Variants in ACAP2 observed in about 807,000 individuals in gnomAD.
ACAP2 encodes arf-GAP with coiled-coil, ANK repeat and PH domain-containing protein 2.
A neutral mutation model predicts 115.8 loss-of-function variants in ACAP2; 39 were observed. The ratio of observed to expected loss-of-function variants is 0.34; its 90% CI spans 0.26 to 0.44. The LOEUF is 0.44. ACAP2 is among the 20% of genes least tolerant of loss of function. The probability of loss-of-function intolerance (pLI) is 1.00; values close to 1 mark genes in which losing one functional copy is unlikely to be tolerated. For missense variants in ACAP2, 662 were observed against 927.6 expected (o/e 0.71, Z 3.72); for synonymous variants, 289 against 315.8 (o/e 0.92, Z 0.90).
intron 1 of ACAP2, among the ~76,000 whole-genome samples, chr3:195,427,457 G>A (rs1250413909): frequency 1.3e-5 from 2 of 152,014 alleles, no homozygotes; most frequent in East Asian, 1.9e-4. Context: ...CTTCTTCACT[G>A]GGCAAGCATC....
chr3:195,301,363 G>A (rs988186809), intron 15 of ACAP2, among the ~76,000 whole-genome samples: 1 of 152,150 alleles, frequency 6.6e-6, no homozygotes, highest in African/African-American at 2.4e-5. Context: ...TGGGATTACA[G>A]GCGTGAGCCA....
intron 22 of ACAP2, 196 bp from the exon 23 acceptor site, chr3:195,279,624 GA>G: frequency 2.5e-6 from 1 of 395,880 alleles, no homozygotes. Flanking sequence ...AACTATACCT[GA>G]AAAAAGCACC....
chr3:195,290,849 T>TAAATAAATAAATAATA lies in ACAP2; in HGVS notation c.2063+856_2063+857insTATTATTTATTTATTT, dbSNP rs1553843260. On this transcript the variant is annotated intron_variant, in intron 20 of 22. Transcript: ENST00000326793. ...ATAAATAAATAAATAAATAAATAAATAATAAATAAATAAATAAATAAATAA... is the reference window on the plus strand; with the variant it reads ...ATAAATAAATAAATAAATAAATAAATAAATAAATAAATAATAAATAAATAAATAAATAAATAAATAA... 1.2e-3 allele frequency among the ~76,000 whole-genome samples: 164 copies of TAAATAAATAAATAATA among 134,180 alleles called. 2 individuals carry two copies. The highest frequency in any genetic ancestry group is 3.9e-3 in the African/African-American group (134 of 33,988). 88.0% of individuals were successfully genotyped at this position (134,180 alleles called of 152,430 possible). A position where few individuals can be genotyped will look rare whatever the true frequency, so the allele number is the denominator to read the frequency against.
At chr3:195,350,410 AAC>A (rs1560274011) in intron 4 of ACAP2, among the ~76,000 whole-genome samples, 2 of 152,134 alleles carry the variant, frequency 1.3e-5, no homozygotes. Context: ...CTGTAATCCC[AAC>A]AGTTTGAGAG....
At chr3:195,409,768 C>A (rs1308388114) in intron 1 of ACAP2, among the ~76,000 whole-genome samples, 1 of 149,636 alleles carries the variant, frequency 6.7e-6, no homozygotes, top group Non-Finnish European at 1.5e-5. Flanking sequence ...CCCAGCTACT[C>A]GGGAGGCTGA....
intron 7 of ACAP2, 51 bp from the exon 8 acceptor site, chr3:195,333,174 T>C (rs1730288212): frequency 2.2e-6 from 2 of 915,410 alleles, no homozygotes; most frequent in Non-Finnish European, 3.3e-6. Context: ...TAGATAGACA[T>C]TCTGAAATAT....
chr3:195,406,046 G>A (rs1311120357), intron 1 of ACAP2, among the ~76,000 whole-genome samples: 3 of 152,060 alleles, frequency 2.0e-5, no homozygotes, highest in Non-Finnish European at 4.4e-5. Flanking sequence ...AGATTTGGGC[G>A]GGGACACAGA....
chr3:195,366,972 G>A (rs1312217418), intron 4 of ACAP2, among the ~76,000 whole-genome samples: 2 of 140,032 alleles, frequency 1.4e-5, no homozygotes, highest in South Asian at 5.0e-4. Flanking sequence ...CTGCTGTGGT[G>A]TAAAAGTAGC....
chr3:195,285,849 A>C lies in ACAP2; in HGVS notation c.2183T>G (p.Leu728Ter). The change falls in exon 22 of 23, where the codon TTA becomes TGA. Residue 728 changes from leucine (L) to a stop codon, truncating the protein, a stop_gained. Transcript: ENST00000326793. LOFTEE classifies it high-confidence loss of function. ...CCGCATCTCTTCATTCATTCTTGCT[A>C]AACGTAACCTAAAAATAAATAAAAT... ...ANADIVTLLR[L>*]ARMNEEMRES... 6.2e-7 allele frequency: 1 copy of C among 1,610,686 alleles called. No individual in the cohort carries two copies. The highest frequency in any genetic ancestry group is 8.5e-7 in the Non-Finnish European group (1 of 1,178,664).
intron 3 of ACAP2, 64 bp downstream of exon 3, chr3:195,381,839 A>G: frequency 6.5e-7 from 1 of 1,538,394 alleles, no homozygotes; most frequent in Non-Finnish European, 8.8e-7. Context: ...AGATGAATGC[A>G]CAATTCTTTA....
At chr3:195,307,106 C>CT (rs1728474860) in intron 12 of ACAP2, 117 bp downstream of exon 12, 22 of 700,976 alleles carry the variant, frequency 3.1e-5, no homozygotes, top group East Asian at 8.1e-5. Flanking sequence ...ATTTTTAAAA[C>CT]TTTTTTTTCT....
intron 1 of ACAP2, among the ~76,000 whole-genome samples, chr3:195,412,559 C>A (rs1412547833): frequency 6.6e-6 from 1 of 152,086 alleles, no homozygotes; most frequent in East Asian, 1.9e-4. Flanking sequence ...TTGCAATGAG[C>A]TGAGATGGCA....
intron 10 of ACAP2, among the ~76,000 whole-genome samples, chr3:195,312,692 G>GT (rs1419232886): frequency 2.0e-5 from 3 of 151,990 alleles, no homozygotes; most frequent in African/African-American, 7.2e-5. Flanking sequence ...TACTCAATCT[G>GT]TATCTTCTTT....
rs1726168820 is a variant in ACAP2, at chr3:195,275,843, A to T, written c.*3485T>A. The T allele has an allele frequency of 6.6e-6, 1 of 152,480 alleles. No individual in the cohort carries two copies. The highest frequency in any genetic ancestry group is 1.5e-5 in the Non-Finnish European group (1 of 68,026). 9.4% of individuals were successfully genotyped at this position (152,480 alleles called of 1,614,324 possible). A position where few individuals can be genotyped will look rare whatever the true frequency, so the allele number is the denominator to read the frequency against. ...ACAGTATACAAAGGGATGCTTCTAT[A>T]TTTTCACCTTGTTTCATTACACTCA... is the stretch of plus-strand genomic sequence containing the variant. On this transcript the variant is annotated 3_prime_UTR_variant, in exon 23 of 23. Coordinates refer to ENST00000326793, the MANE Select transcript of ACAP2 (RefSeq NM_012287.6).
At chr3:195,373,931 A>G (rs889162402) in intron 4 of ACAP2, among the ~76,000 whole-genome samples, 9 of 152,164 alleles carry the variant, frequency 5.9e-5, no homozygotes, top group African/African-American at 2.2e-4. Context: ...AAAAAAACAT[A>G]TACTGACAAA....
intron 2 of ACAP2, among the ~76,000 whole-genome samples, chr3:195,390,781 A>G (rs1013553592): frequency 6.6e-6 from 1 of 152,238 alleles, no homozygotes; most frequent in Admixed American, 6.5e-5. Context: ...TAATTATTAA[A>G]CTAGAAAATT....
intron 4 of ACAP2, among the ~76,000 whole-genome samples, chr3:195,361,035 C>A (rs1732334021): frequency 6.8e-6 from 1 of 147,976 alleles, no homozygotes; most frequent in Non-Finnish European, 1.5e-5. Flanking sequence ...CTTCTCCGAC[C>A]ACAATGGAAT....
chr3:195,314,742 A>G (rs1728979799), intron 10 of ACAP2, among the ~76,000 whole-genome samples: 1 of 152,226 alleles, frequency 6.6e-6, no homozygotes, highest in Non-Finnish European at 1.5e-5. Context: ...AAAAATCTTC[A>G]TATTTGAATC....
intron 6 of ACAP2, among the ~76,000 whole-genome samples, chr3:195,341,314 T>C (rs1238362375): frequency 7.2e-6 from 1 of 138,264 alleles, no homozygotes; most frequent in Non-Finnish European, 1.5e-5. Flanking sequence ...TTTGTTTTAT[T>C]GTGTGGGTTT....
Sources: gnomAD v4.1 joint callset for allele counts (sites outside exome capture counted in the v4.1 genomes callset) on GRCh38, gnomAD v4.1.1 for gene constraint, MANE v1.5 for transcripts, NCBI Gene and HGNC (gene_info 2026-07-23, HGNC 2026-07-21) for gene names.